The following ROR2 variants were observed in gnomAD, a reference collection of about 807,000 sequenced individuals.
The protein encoded by ROR2 is tyrosine-protein kinase transmembrane receptor ROR2.
Under a neutral mutation model 74.9 loss-of-function variants are expected in ROR2, and 33 were observed. That is an observed-to-expected ratio of 0.44 (90% confidence interval 0.33 to 0.59). The LOEUF (loss-of-function observed/expected upper bound fraction) is 0.59, where lower values mean the gene tolerates loss of function less well. Among genes scored for constraint, ROR2 ranks in the 20% least tolerant of loss-of-function variants. The pLI is 0.02. For missense variants in ROR2, 1,216 were observed against 1,313.8 expected (o/e 0.93, Z 1.15); for synonymous variants, 586 against 558.7 (o/e 1.05, Z -0.69).
rs189053531 is a variant in ROR2 at position 91,792,285 on chromosome 9, C to T, written c.98-16467G>A. 9.5e-4 allele frequency among the ~76,000 whole-genome samples: 142 copies of T among 150,252 alleles called. 1 individual carries two copies. Among genetic ancestry groups the T allele is most frequent in the Middle Eastern group, 3.5e-3 (1 of 286 alleles). ...AATCAGCAAAACAACAGAGAAAAAT[C>T]GAGACCAAAAGTTGGTTCTATTTTT... On this transcript the variant is annotated intron_variant, in intron 1 of 8. Transcript: ENST00000375708.
chr9:91,859,810 G>C (rs1829415163), intron 1 of ROR2, among the ~76,000 whole-genome samples: 2 of 152,118 alleles, frequency 1.3e-5, no homozygotes, highest in Non-Finnish European at 2.9e-5. Context: ...GGGCAACAGA[G>C]TGAGGCTCCG....
intron 4 of ROR2, among the ~76,000 whole-genome samples, chr9:91,751,538 A>C (rs1825595579): frequency 6.6e-6 from 1 of 152,126 alleles, no homozygotes. Flanking sequence ...AAACCAAAAA[A>C]CCCCACAAAA....
chr9:91,788,931 T>G lies in ROR2; in HGVS notation c.98-13113A>C, dbSNP rs550674938. Among the ~76,000 whole-genome samples, 279 of 151,134 alleles carry G rather than the reference T, an allele frequency of 1.8e-3. 2 individuals carry two copies. Among genetic ancestry groups the G allele is most frequent in the African/African-American group, 6.7e-3 (275 of 41,130 alleles). On this transcript the variant is annotated intron_variant, in intron 1 of 8. Coordinates refer to ENST00000375708, the MANE Select transcript of ROR2 (RefSeq NM_004560.4). ...GAAATGAAGGACAATTTAAAAAGGT[T>G]GATCATAGAAGTAGAGAGTAGAATA...
At chr9:91,928,117 C>A (rs536188824) in intron 1 of ROR2, among the ~76,000 whole-genome samples, 16 of 152,216 alleles carry the variant, frequency 1.1e-4, no homozygotes, top group African/African-American at 3.9e-4. Flanking sequence ...CCACCTTCTG[C>A]ATTACATTCA....
intron 1 of ROR2, among the ~76,000 whole-genome samples, chr9:91,858,289 A>C (rs560391036): frequency 4.6e-5 from 7 of 152,360 alleles, no homozygotes; most frequent in Non-Finnish European, 5.9e-5. Flanking sequence ...GCACACACGC[A>C]TGCATCCACA....
chr9:91,781,331 C>G (rs1826613164), intron 1 of ROR2, among the ~76,000 whole-genome samples: 1 of 152,248 alleles, frequency 6.6e-6, no homozygotes, highest in Admixed American at 6.5e-5. Flanking sequence ...GCTCTGTGCA[C>G]CCACTGTCCC....
chr9:91,757,278 G>C lies in ROR2; in HGVS notation c.457C>G (p.Arg153Gly). The change falls in exon 3 of 9, where the codon CGG becomes GGG. Residue 153 changes from arginine to glycine, a missense_variant. Arg to Gly is a moderately radical substitution (Grantham distance 125, BLOSUM62 -2). Transcript: ENST00000375708. Reference sequence around the variant, plus strand: ...ATTTCACTGTCCAACTCACCCAGCCGCACAAACAGGACGCCAGTGGCGGTA... The same window carrying C: ...ATTTCACTGTCCAACTCACCCAGCCCCACAAACAGGACGCCAGTGGCGGTA... ...TITATGVLFV[R>G]LGPTHSPNHN... The C allele has an allele frequency of 2.5e-6, 4 of 1,613,820 alleles. No homozygotes were observed. The highest frequency in any genetic ancestry group is 3.4e-6 in the Non-Finnish European group (4 of 1,179,960).
intron 1 of ROR2, among the ~76,000 whole-genome samples, chr9:91,859,449 T>G (rs1294735578): frequency 6.6e-6 from 1 of 152,112 alleles, no homozygotes; most frequent in Non-Finnish European, 1.5e-5. Context: ...CTAAGAAAGA[T>G]CTGAAGGCGG....
chr9:91,844,524 T>C (rs371918019), intron 1 of ROR2, among the ~76,000 whole-genome samples: 13 of 152,310 alleles, frequency 8.5e-5, no homozygotes, highest in South Asian at 4.1e-4. Flanking sequence ...AACATATGAA[T>C]TTTGGGAAGG....
intron 1 of ROR2, among the ~76,000 whole-genome samples, chr9:91,933,139 C>T (rs887241172): frequency 6.6e-6 from 1 of 151,990 alleles, no homozygotes; most frequent in Non-Finnish European, 1.5e-5. Context: ...GGTCAAACTC[C>T]GTCTCTACCA....
At chr9:91,812,450 C>T (rs111760578) in intron 1 of ROR2, among the ~76,000 whole-genome samples, 234 of 152,144 alleles carry the variant, frequency 1.5e-3, no homozygotes, top group African/African-American at 5.0e-3. Flanking sequence ...AGCTAATCCA[C>T]GGATTGATGG....
At chr9:91,799,987 T>C (rs1302490364) in intron 1 of ROR2, among the ~76,000 whole-genome samples, 2 of 152,218 alleles carry the variant, frequency 1.3e-5, no homozygotes, top group African/African-American at 2.4e-5. Context: ...GTTCAGGCCT[T>C]ACTTTCCTTT....
chr9:91,942,973 A>G (rs7862779), intron 1 of ROR2, among the ~76,000 whole-genome samples: 64,413 of 152,048 alleles, frequency 0.42, 14,721 homozygotes, highest in African/African-American at 0.61. Context: ...AGCAGGCCTA[A>G]GAAACTCATA....
chr9:91,727,151 T>C (rs924815096), intron 7 of ROR2, among the ~76,000 whole-genome samples: 1 of 152,252 alleles, frequency 6.6e-6, no homozygotes, highest in Non-Finnish European at 1.5e-5. Context: ...CTGGAGACCC[T>C]TGTCCAAGGT....
chr9:91,939,185 G>A (rs148546622), intron 1 of ROR2, among the ~76,000 whole-genome samples: 476 of 152,234 alleles, frequency 3.1e-3, no homozygotes, highest in African/African-American at 0.01. Flanking sequence ...GGAAGGCAGA[G>A]GTTGCAGTGA....
intron 1 of ROR2, among the ~76,000 whole-genome samples, chr9:91,824,701 T>C (rs564453640): frequency 6.6e-6 from 1 of 152,300 alleles, no homozygotes; most frequent in African/African-American, 2.4e-5. Context: ...GGCCCTGGTA[T>C]GCAACACCCC....
At chr9:91,949,825 G>T (rs921188518) in intron 1 of ROR2, 42 bp downstream of exon 1, 3 of 1,263,606 alleles carry the variant, frequency 2.4e-6, no homozygotes, top group East Asian at 2.6e-5. Flanking sequence ...CAAGCGAGCC[G>T]TGAGCTACCG....
chr9:91,866,795 C>T (rs552763711), intron 1 of ROR2, among the ~76,000 whole-genome samples: 4 of 152,210 alleles, frequency 2.6e-5, no homozygotes, highest in East Asian at 3.9e-4. Context: ...AGCTACCATA[C>T]GCAGATACAG....
At chr9:91,857,605 T>TACAC (rs142060667) in intron 1 of ROR2, among the ~76,000 whole-genome samples, 1 of 152,246 alleles carries the variant, frequency 6.6e-6, no homozygotes, top group African/African-American at 2.4e-5. Flanking sequence ...AGTGAGATGT[T>TACAC]ACACACCGGC....
Sources: allele counts gnomAD v4.1 joint callset (sites outside exome capture counted in the v4.1 genomes callset), GRCh38; gene constraint gnomAD v4.1.1; transcripts MANE v1.5; gene names NCBI Gene and HGNC (gene_info 2026-07-23, HGNC 2026-07-21).